The following WDFY2 variants were observed in gnomAD, a reference collection of about 807,000 sequenced individuals.
WDFY2 encodes the protein WD repeat and FYVE domain containing 2, also known as WD repeat and FYVE domain-containing protein 2.
In WDFY2, 36 loss-of-function variants were observed where a neutral mutation model predicts 56.4. The ratio of observed to expected loss-of-function variants is 0.64; its 90% CI spans 0.49 to 0.84. The LOEUF (loss-of-function observed/expected upper bound fraction) is 0.84, where lower values mean the gene tolerates loss of function less well. WDFY2 is among the 40% of genes least tolerant of loss of function. WDFY2 has a pLI of 0.00. For missense variants in WDFY2, 444 were observed against 512.2 expected (o/e 0.87, Z 1.29); for synonymous variants, 176 against 183.7 (o/e 0.96, Z 0.34).
intron 3 of WDFY2, among the ~76,000 whole-genome samples, chr13:51,685,942 C>T (rs1307785954): frequency 6.6e-6 from 1 of 152,076 alleles, no homozygotes; most frequent in African/African-American, 2.4e-5. Context: ...TTTGTGTTTC[C>T]ATCCAGAAGT....
At chr13:51,703,504 T>C (rs919008847) in intron 3 of WDFY2, 92 bp from the exon 4 acceptor site, 1 of 947,694 alleles carries the variant, frequency 1.1e-6, no homozygotes, top group African/African-American at 1.7e-5. Context: ...GTAATCGTCA[T>C]GACAATTCGC....
intron 2 of WDFY2, among the ~76,000 whole-genome samples, chr13:51,671,464 T>C (rs542080879): frequency 6.6e-6 from 1 of 152,288 alleles, no homozygotes; most frequent in African/African-American, 2.4e-5. Flanking sequence ...CCCTGATCAT[T>C]AGTGATGTTG....
At chr13:51,622,813 C>G (rs983142457) in intron 1 of WDFY2, among the ~76,000 whole-genome samples, 1 of 149,988 alleles carries the variant, frequency 6.7e-6, no homozygotes, top group Non-Finnish European at 1.5e-5. Flanking sequence ...ATAGTTTGAA[C>G]TGGAATACCT....
At chr13:51,670,534 C>G (rs964438836) in intron 2 of WDFY2, among the ~76,000 whole-genome samples, 6 of 139,992 alleles carry the variant, frequency 4.3e-5, no homozygotes, top group African/African-American at 1.3e-4. Context: ...CACACACACA[C>G]ACAGATGTTT....
At chr13:51,722,088 A>G in intron 5 of WDFY2, among the ~76,000 whole-genome samples, 1 of 149,224 alleles carries the variant, frequency 6.7e-6, no homozygotes, top group African/African-American at 2.5e-5. Context: ...AGGGAGGAGG[A>G]AGATTTTATG....
intron 3 of WDFY2, among the ~76,000 whole-genome samples, chr13:51,696,941 A>G (rs1039096826): frequency 2.0e-5 from 3 of 152,238 alleles, no homozygotes; most frequent in Non-Finnish European, 2.9e-5. Flanking sequence ...AAAGGAAAAT[A>G]TCCTCAGTCC....
chr13:51,731,468 A>G (rs1045377127), intron 6 of WDFY2, among the ~76,000 whole-genome samples: 2 of 152,258 alleles, frequency 1.3e-5, no homozygotes, highest in African/African-American at 4.8e-5. Flanking sequence ...TTTGAGAAAA[A>G]CAGGAAATGG....
intron 3 of WDFY2, among the ~76,000 whole-genome samples, chr13:51,700,383 T>C (rs1313263766): frequency 1.3e-5 from 2 of 152,232 alleles, no homozygotes; most frequent in African/African-American, 4.8e-5. Flanking sequence ...AATGTGTATA[T>C]CTTTGATCTA....
At chr13:51,757,350 T>G (rs1953419200) in intron 10 of WDFY2, among the ~76,000 whole-genome samples, 1 of 152,192 alleles carries the variant, frequency 6.6e-6, no homozygotes, top group Admixed American at 6.5e-5. Flanking sequence ...AGACATAGAC[T>G]TTAAGAGTTT....
intron 1 of WDFY2, among the ~76,000 whole-genome samples, chr13:51,655,870 T>G (rs1468391062): frequency 6.6e-6 from 1 of 152,120 alleles, no homozygotes; most frequent in Non-Finnish European, 1.5e-5. Flanking sequence ...CCATTTCTTC[T>G]TGAGTCAGTA....
chr13:51,703,125 G>T (rs1952018039), intron 3 of WDFY2, among the ~76,000 whole-genome samples: 1 of 152,176 alleles, frequency 6.6e-6, no homozygotes, highest in Non-Finnish European at 1.5e-5. Flanking sequence ...GGGATACAGG[G>T]ATGAGTAAGA....
intron 1 of WDFY2, among the ~76,000 whole-genome samples, chr13:51,635,334 C>T (rs1397459866): frequency 6.6e-6 from 1 of 152,178 alleles, no homozygotes; most frequent in Non-Finnish European, 1.5e-5. Flanking sequence ...AGAACAGCAG[C>T]TTTGCGTAAT....
intron 2 of WDFY2, among the ~76,000 whole-genome samples, chr13:51,672,346 C>G (rs1404298895): frequency 6.6e-6 from 1 of 152,072 alleles, no homozygotes; most frequent in Non-Finnish European, 1.5e-5. Flanking sequence ...TGTCAAAGAT[C>G]TGTTGACTGT....
intron 1 of WDFY2, among the ~76,000 whole-genome samples, chr13:51,611,597 T>C (rs1159210952): frequency 3.3e-5 from 5 of 152,248 alleles, no homozygotes; most frequent in Non-Finnish European, 7.3e-5. Flanking sequence ...TTCAGTTGTC[T>C]GCTTCATTCT....
chr13:51,670,162 C>T (rs1330221453), intron 2 of WDFY2, among the ~76,000 whole-genome samples: 1 of 152,124 alleles, frequency 6.6e-6, no homozygotes, highest in Non-Finnish European at 1.5e-5. Context: ...CATTATCCTT[C>T]CCCAGAGAGT....
intron 1 of WDFY2, among the ~76,000 whole-genome samples, chr13:51,630,768 T>G (rs191601760): frequency 7.0e-6 from 1 of 142,500 alleles, no homozygotes; most frequent in African/African-American, 2.7e-5. Context: ...CAAGTTTTTC[T>G]TTTTTTTTTT....
At chr13:51,690,206 T>G (rs1490889873) in intron 3 of WDFY2, among the ~76,000 whole-genome samples, 1 of 150,002 alleles carries the variant, frequency 6.7e-6, no homozygotes, top group Non-Finnish European at 1.5e-5. Context: ...ATTTTTTTTA[T>G]TATTATACTT....
chr13:51,739,494 G>A (rs4456399), intron 7 of WDFY2, among the ~76,000 whole-genome samples: 69,582 of 151,786 alleles, frequency 0.46, 16,179 homozygotes, highest in Admixed American at 0.54. Context: ...AAAAAAGCTT[G>A]AAAATACAAG....
At chr13:51,614,547 C>CGTG (rs1274522964) in intron 1 of WDFY2, among the ~76,000 whole-genome samples, 3 of 152,184 alleles carry the variant, frequency 2.0e-5, no homozygotes, top group Non-Finnish European at 4.4e-5. Context: ...CCCTTTGAAG[C>CGTG]CTCACGATGG....
Sources: allele counts gnomAD v4.1 joint callset (sites outside exome capture counted in the v4.1 genomes callset), GRCh38; gene constraint gnomAD v4.1.1; transcripts MANE v1.5; gene names NCBI Gene and HGNC (gene_info 2026-07-23, HGNC 2026-07-21).